CHST11: variants seen among roughly 807,000 people sequenced by gnomAD.
CHST11 encodes the protein carbohydrate sulfotransferase 11, also known as C4S-1.
In CHST11, 9 loss-of-function variants were observed where a neutral mutation model predicts 30.4. The observed-to-expected ratio is 0.30, with a 90% CI of 0.18 to 0.52. The LOEUF (loss-of-function observed/expected upper bound fraction) is 0.52, where lower values mean the gene tolerates loss of function less well. Among genes scored for constraint, CHST11 ranks in the 20% least tolerant of loss-of-function variants. CHST11 has a pLI of 0.97. For missense variants in CHST11, 348 were observed against 460.6 expected, an observed-to-expected ratio of 0.76 and a Z score of 2.24; for synonymous variants, 152 against 187.8, an observed-to-expected ratio of 0.81 and a Z score of 1.56.
At chr12:104,670,026 T>C (rs1467483557) in intron 2 of CHST11, among the ~76,000 whole-genome samples, 3 of 152,226 alleles carry the variant, frequency 2.0e-5, no homozygotes, top group Non-Finnish European at 4.4e-5. Flanking sequence ...CTAAGTTCCC[T>C]TTTCCCCTCT....
At chr12:104,730,217 C>T (rs1296574052) in intron 2 of CHST11, among the ~76,000 whole-genome samples, 1 of 152,258 alleles carries the variant, frequency 6.6e-6, no homozygotes, top group African/African-American at 2.4e-5. Context: ...GGCATCCTGC[C>T]TCTGCCACTC....
intron 1 of CHST11, among the ~76,000 whole-genome samples, chr12:104,599,923 C>T (rs1409839721): frequency 6.6e-6 from 1 of 152,224 alleles, no homozygotes; most frequent in East Asian, 1.9e-4. Flanking sequence ...TTTCCCTGTT[C>T]ATCAGTGAAG....
At chr12:104,583,723 T>C (rs919192131) in intron 1 of CHST11, among the ~76,000 whole-genome samples, 102 of 356 alleles carry the variant, frequency 0.29, no homozygotes, top group African/African-American at 0.43. Flanking sequence ...ATCTCTCTCT[T>C]TTTTTTGAGG....
At chr12:104,648,031 C>T (rs972333475) in intron 2 of CHST11, among the ~76,000 whole-genome samples, 7 of 152,188 alleles carry the variant, frequency 4.6e-5, no homozygotes, top group South Asian at 4.1e-4. Context: ...CACATGCTGT[C>T]ACTTGCATGG....
chr12:104,684,453 T>C (rs2039827239), intron 2 of CHST11, among the ~76,000 whole-genome samples: 1 of 152,168 alleles, frequency 6.6e-6, no homozygotes, highest in Admixed American at 6.5e-5. Flanking sequence ...AAAAAGGGGA[T>C]GGTACACCCT....
intron 2 of CHST11, among the ~76,000 whole-genome samples, chr12:104,710,796 A>G (rs183445598): frequency 1.7e-3 from 261 of 152,270 alleles, no homozygotes; most frequent in South Asian, 2.7e-3. Context: ...GGCTTCTCCC[A>G]TAGGTATATG....
At chr12:104,707,418 C>G (rs193208141) in intron 2 of CHST11, among the ~76,000 whole-genome samples, 1 of 152,066 alleles carries the variant, frequency 6.6e-6, no homozygotes, top group African/African-American at 2.4e-5. Context: ...TAAAAAATAG[C>G]GCACACTACA....
chr12:104,667,539 A>G (rs866927457), intron 2 of CHST11, among the ~76,000 whole-genome samples: 2 of 152,200 alleles, frequency 1.3e-5, no homozygotes, highest in Non-Finnish European at 2.9e-5. Flanking sequence ...GGAAGGAGCC[A>G]AGTGGACACA....
At chr12:104,569,636 G>A (rs536510671) in intron 1 of CHST11, among the ~76,000 whole-genome samples, 1 of 152,304 alleles carries the variant, frequency 6.6e-6, no homozygotes, top group Admixed American at 6.5e-5. Context: ...AAGTGGGGGA[G>A]ATTCCAAGCT....
chr12:104,594,669 G>A (rs1023371667), intron 1 of CHST11, among the ~76,000 whole-genome samples: 1 of 152,212 alleles, frequency 6.6e-6, no homozygotes, highest in Non-Finnish European at 1.5e-5. Flanking sequence ...TTTAAAAGGA[G>A]AGTAGGGCTT....
chr12:104,730,934 A>C (rs941260408), intron 2 of CHST11, among the ~76,000 whole-genome samples: 1 of 152,176 alleles, frequency 6.6e-6, no homozygotes, highest in African/African-American at 2.4e-5. Flanking sequence ...TGAGGTAGTT[A>C]ACTGCAGCTG....
At chr12:104,537,013 G>A (rs1303492421) in intron 1 of CHST11, among the ~76,000 whole-genome samples, 1 of 152,226 alleles carries the variant, frequency 6.6e-6, no homozygotes, top group African/African-American at 2.4e-5. Context: ...TCTAGAAGCT[G>A]TTAGGAAACA....
intron 2 of CHST11, among the ~76,000 whole-genome samples, chr12:104,658,997 C>T (rs1319050518): frequency 6.6e-6 from 1 of 152,254 alleles, no homozygotes; most frequent in East Asian, 1.9e-4. Context: ...ACTTCTACTT[C>T]ACTTAATAGG....
At chr12:104,698,870 T>A (rs1240088896) in intron 2 of CHST11, among the ~76,000 whole-genome samples, 1 of 152,264 alleles carries the variant, frequency 6.6e-6, no homozygotes, top group African/African-American at 2.4e-5. Flanking sequence ...CTTTTGAATT[T>A]ACTCTTTATA....
intron 1 of CHST11, among the ~76,000 whole-genome samples, chr12:104,582,061 A>G (rs558918697): frequency 6.4e-4 from 97 of 152,310 alleles, no homozygotes; most frequent in African/African-American, 2.3e-3. Context: ...CATCCAGTCT[A>G]AGAAGACTAT....
chr12:104,601,096 C>T (rs2038953824), intron 1 of CHST11, among the ~76,000 whole-genome samples: 1 of 151,432 alleles, frequency 6.6e-6, no homozygotes, highest in Non-Finnish European at 1.5e-5. Context: ...TCCTTCCTTC[C>T]CTCTCTCCCA....
At chr12:104,601,272 T>G (rs909479126) in intron 1 of CHST11, among the ~76,000 whole-genome samples, 2 of 152,182 alleles carry the variant, frequency 1.3e-5, no homozygotes, top group Non-Finnish European at 1.5e-5. Flanking sequence ...TCAATGTTGG[T>G]GGGGTTTGAG....
chr12:104,705,990 G>A (rs1251780974), intron 2 of CHST11, among the ~76,000 whole-genome samples: 1 of 152,190 alleles, frequency 6.6e-6, no homozygotes, highest in African/African-American at 2.4e-5. Flanking sequence ...GGAGGCTGAG[G>A]CAGGAGGATT....
intron 1 of CHST11, among the ~76,000 whole-genome samples, chr12:104,579,667 C>T (rs1565994663): frequency 6.6e-6 from 1 of 152,184 alleles, no homozygotes; most frequent in Non-Finnish European, 1.5e-5. Flanking sequence ...CCGCCCCTCT[C>T]CCCGGGGTGT....
Sources: allele counts gnomAD v4.1 joint callset (sites outside exome capture counted in the v4.1 genomes callset), GRCh38; gene constraint gnomAD v4.1.1; transcripts MANE v1.5; gene names NCBI Gene and HGNC (gene_info 2026-07-23, HGNC 2026-07-21).